ZEB1: variants seen among roughly 807,000 people sequenced by gnomAD.
ZEB1 encodes the protein zinc finger E-box binding homeobox 1.
In ZEB1, 21 loss-of-function variants were observed where a neutral mutation model predicts 84.9. The ratio of observed to expected loss-of-function variants is 0.25; its 90% CI spans 0.18 to 0.36. ZEB1 has a LOEUF of 0.36. ZEB1 is among the 10% of genes least tolerant of loss of function. The pLI is 1.00. For synonymous variants in ZEB1, 420 were observed against 471.1 expected, an observed-to-expected ratio of 0.89 and a Z score of 1.41; for missense variants, 1,104 against 1,330.2, an observed-to-expected ratio of 0.83 and a Z score of 2.65.
chr10:31,334,993 G>A (rs1032162394), intron 1 of ZEB1, among the ~76,000 whole-genome samples: 4 of 151,974 alleles, frequency 2.6e-5, no homozygotes, highest in Non-Finnish European at 4.4e-5. Context: ...TTTGGAAAAA[G>A]AAATGACTGT....
chr10:31,393,379 C>T (rs2135295844), intron 1 of ZEB1, among the ~76,000 whole-genome samples: 1 of 152,172 alleles, frequency 6.6e-6, no homozygotes, highest in South Asian at 2.1e-4. Context: ...ACTTGATAGG[C>T]CACCTGTGTT....
intron 2 of ZEB1, among the ~76,000 whole-genome samples, chr10:31,465,462 A>G (rs572137381): frequency 6.7e-6 from 1 of 148,622 alleles, no homozygotes; most frequent in Non-Finnish European, 1.5e-5. Flanking sequence ...TGCAAAAAAT[A>G]TATATATATA....
Position 31,524,084 on chromosome 10 carries a change from C to T in ZEB1, c.2756C>T (p.Ser919Leu). Residue 919 changes from serine to leucine, a missense_variant, in exon 8 of 9, where the codon TCA becomes TTA. Around this residue, in one of 7 missense-constraint regions of ZEB1, gnomAD observed 53 missense variants for 92.5 expected, o/e 0.57. Transcript: ENST00000424869. The stretch of plus-strand genomic sequence containing the variant: ...GACAAGATATTCCAAAAGAGTAGTT[C>T]ATTATTGAGACATAAATATGAACAC... The part of the protein sequence containing the change: ...LCDKIFQKSS[S>L]LLRHKYEHTG... The T allele has an allele frequency of 6.2e-7, 1 of 1,613,522 alleles. No homozygotes were observed. Among genetic ancestry groups the T allele is most frequent in the Non-Finnish European group, 8.5e-7 (1 of 1,179,822 alleles).
chr10:31,466,229 T>G (rs1005898508), intron 2 of ZEB1, among the ~76,000 whole-genome samples: 3 of 152,036 alleles, frequency 2.0e-5, no homozygotes, highest in African/African-American at 7.3e-5. Flanking sequence ...AGAAAATCAA[T>G]AAAGAAACAG....
intron 1 of ZEB1, among the ~76,000 whole-genome samples, chr10:31,338,892 G>A (rs1391235354): frequency 2.0e-5 from 3 of 152,052 alleles, no homozygotes; most frequent in Admixed American, 1.3e-4. Flanking sequence ...CATAAATGAT[G>A]TATAAATCAT....
At chr10:31,440,822 T>A (rs2058855821) in intron 1 of ZEB1, among the ~76,000 whole-genome samples, 1 of 152,010 alleles carries the variant, frequency 6.6e-6, no homozygotes, top group African/African-American at 2.4e-5. Context: ...TCAAAGAGAA[T>A]AAAATACCTA....
intron 1 of ZEB1, among the ~76,000 whole-genome samples, chr10:31,411,655 A>AC (rs1375353039): frequency 1.3e-5 from 2 of 150,814 alleles, no homozygotes; most frequent in East Asian, 1.9e-4. Flanking sequence ...AAAAAAAAAA[A>AC]AGCAGCATTA....
At chr10:31,339,618 A>G (rs866391924) in intron 1 of ZEB1, among the ~76,000 whole-genome samples, 19 of 152,032 alleles carry the variant, frequency 1.2e-4, no homozygotes, top group Middle Eastern at 6.8e-3. Flanking sequence ...AAATACAAAA[A>G]ACTTAGCCAG....
chr10:31,466,770 TAAATG>T (rs2062481645), intron 2 of ZEB1, among the ~76,000 whole-genome samples: 1 of 151,856 alleles, frequency 6.6e-6, no homozygotes, highest in South Asian at 2.1e-4. Flanking sequence ...AGAGCACAAA[TAAATG>T]AAATAAAGAG....
At chr10:31,429,316 T>G (rs1245695570) in intron 1 of ZEB1, among the ~76,000 whole-genome samples, 1 of 152,214 alleles carries the variant, frequency 6.6e-6, no homozygotes, top group Non-Finnish European at 1.5e-5. Flanking sequence ...CCTTCACTTA[T>G]GAAGCTTAGT....
chr10:31,483,892 C>CTA (rs1490683880), intron 2 of ZEB1, among the ~76,000 whole-genome samples: 6 of 152,116 alleles, frequency 3.9e-5, no homozygotes, highest in Middle Eastern at 3.4e-3. Context: ...GGGCTAAAAT[C>CTA]TAAGTGTTGT....
At chr10:31,337,841 C>T (rs1008114727) in intron 1 of ZEB1, among the ~76,000 whole-genome samples, 8 of 151,882 alleles carry the variant, frequency 5.3e-5, no homozygotes, top group Admixed American at 5.2e-4. Context: ...CCCACCACCA[C>T]GCTGGCTAAT....
At position 31,485,833 on chromosome 10, in the gene ZEB1, A is replaced by G. The variant is rs535636842; in HGVS notation, c.260-9943A>G. The stretch of plus-strand genomic sequence containing the variant: ...TATTCATGTAGCAACCATGACGATC[A>G]GGGCACAGAACAGTTCCATCATCAG... On this transcript the variant is annotated intron_variant, in intron 2 of 8. Coordinates refer to ENST00000424869, the MANE Select transcript of ZEB1 (RefSeq NM_001174096.2). Among the ~76,000 whole-genome samples, 6 of 151,954 alleles carry G rather than the reference A, an allele frequency of 3.9e-5. No homozygotes were observed. In the South Asian group the frequency reaches 1.2e-3, roughly 31 times the overall value.
intron 1 of ZEB1, among the ~76,000 whole-genome samples, chr10:31,455,066 T>C (rs2061037591): frequency 6.6e-6 from 1 of 152,102 alleles, no homozygotes; most frequent in African/African-American, 2.4e-5. Flanking sequence ...AAAATAGATA[T>C]ATAGACCAAT....
At chr10:31,387,410 A>G (rs2048822591) in intron 1 of ZEB1, 1 of 587,620 alleles carries the variant, frequency 1.7e-6, no homozygotes, top group African/African-American at 2.0e-5. Context: ...TCACACATTC[A>G]TCAAGAGGTG....
chr10:31,441,636 A>G (rs1388293278), intron 1 of ZEB1, among the ~76,000 whole-genome samples: 3 of 151,972 alleles, frequency 2.0e-5, no homozygotes, highest in Admixed American at 6.6e-5. Flanking sequence ...CAGAATGGGA[A>G]AAAATTTTTG....
At chr10:31,398,649 G>A (rs1448429407) in intron 1 of ZEB1, among the ~76,000 whole-genome samples, 3 of 152,054 alleles carry the variant, frequency 2.0e-5, no homozygotes, top group African/African-American at 7.2e-5. Context: ...TATAACCCCT[G>A]CCATTTCACC....
chr10:31,397,322 G>A (rs2050989040), intron 1 of ZEB1, among the ~76,000 whole-genome samples: 1 of 151,492 alleles, frequency 6.6e-6, no homozygotes, highest in Non-Finnish European at 1.5e-5. Flanking sequence ...TACTGATACG[G>A]TATTTAAGAG....
intron 1 of ZEB1, among the ~76,000 whole-genome samples, chr10:31,379,888 A>G (rs2047330140): frequency 6.6e-6 from 1 of 151,866 alleles, no homozygotes; most frequent in Admixed American, 6.6e-5. Context: ...AAGTCTTTTC[A>G]CTCCTGCATT....
Sources: gnomAD v4.1 joint callset for allele counts (sites outside exome capture counted in the v4.1 genomes callset) on GRCh38, gnomAD v4.1.1 for gene constraint, gnomAD v4.1.1 regional missense constraint, MANE v1.5 for transcripts, NCBI Gene and HGNC (gene_info 2026-07-23, HGNC 2026-07-21) for gene names.